HOMER1: variants seen among roughly 807,000 people sequenced by gnomAD.
HOMER1 encodes the protein homer protein homolog 1.
In HOMER1, 3 loss-of-function variants were observed where a neutral mutation model predicts 48.9. The ratio of observed to expected loss-of-function variants is 0.06; its 90% CI spans 0.03 to 0.16. The LOEUF (loss-of-function observed/expected upper bound fraction) is 0.16, where lower values mean the gene tolerates loss of function less well. HOMER1 is among the 10% of genes least tolerant of loss of function. HOMER1 has a pLI of 1.00. For synonymous variants in HOMER1, 134 were observed against 146.4 expected (o/e 0.92, Z 0.61); for missense variants, 247 against 411.4 (o/e 0.60, Z 3.46).
At chr5:79,492,111 A>C (rs765329779) in intron 1 of HOMER1, among the ~76,000 whole-genome samples, 1 of 152,212 alleles carries the variant, frequency 6.6e-6, no homozygotes, top group Non-Finnish European at 1.5e-5. Context: ...AACAATATAG[A>C]GCTTGATAAT....
chr5:79,402,826 T>C (rs1749567355), intron 5 of HOMER1, among the ~76,000 whole-genome samples: 1 of 152,242 alleles, frequency 6.6e-6, no homozygotes, highest in African/African-American at 2.4e-5. Context: ...TAGTATTTCT[T>C]TTGAAATTGT....
chr5:79,423,501 TTAATTA>T (rs1750160298), intron 5 of HOMER1, among the ~76,000 whole-genome samples: 1 of 152,294 alleles, frequency 6.6e-6, no homozygotes, highest in East Asian at 1.9e-4. Context: ...TTCAGTAATT[TTAATTA>T]TGTGTGTGCA....
At chr5:79,475,583 A>G (rs1751747276) in intron 1 of HOMER1, among the ~76,000 whole-genome samples, 1 of 152,148 alleles carries the variant, frequency 6.6e-6, no homozygotes, top group Non-Finnish European at 1.5e-5. Flanking sequence ...AATCTAGCCA[A>G]TGTCTAAAGC....
At chr5:79,510,796 G>A (rs1479474510) in intron 1 of HOMER1, 1 of 753,606 alleles carries the variant, frequency 1.3e-6, no homozygotes, top group Non-Finnish European at 2.4e-6. Flanking sequence ...CTGGCCAAAG[G>A]CCAAGGACAA....
chr5:79,455,149 C>G (rs1751135782), intron 2 of HOMER1, among the ~76,000 whole-genome samples: 1 of 151,528 alleles, frequency 6.6e-6, no homozygotes, highest in African/African-American at 2.4e-5. Context: ...GTTACCCAGG[C>G]TGGTCTCAAA....
intron 1 of HOMER1, among the ~76,000 whole-genome samples, chr5:79,461,492 G>A (rs1013190786): frequency 1.3e-5 from 2 of 152,100 alleles, no homozygotes; most frequent in Non-Finnish European, 2.9e-5. Flanking sequence ...AACAAGTTTC[G>A]CAAACACTGT....
At chr5:79,492,473 T>A (rs1402265575) in intron 1 of HOMER1, among the ~76,000 whole-genome samples, 1 of 151,706 alleles carries the variant, frequency 6.6e-6, no homozygotes, top group Admixed American at 6.6e-5. Context: ...AATTAACTTC[T>A]GTGACTTTCC....
At chr5:79,396,234 T>C (rs536535935) in intron 8 of HOMER1, among the ~76,000 whole-genome samples, 357 of 152,212 alleles carry the variant, frequency 2.3e-3, no homozygotes, top group African/African-American at 8.3e-3. Context: ...GAACGAAAAG[T>C]ACTAACTTGT....
intron 1 of HOMER1, among the ~76,000 whole-genome samples, chr5:79,488,408 C>A (rs1026060204): frequency 6.6e-6 from 1 of 152,196 alleles, no homozygotes; most frequent in Non-Finnish European, 1.5e-5. Context: ...TCCACTGTGG[C>A]ATTTGTTTTC....
chr5:79,429,281 A>G (rs1289888410), intron 5 of HOMER1, among the ~76,000 whole-genome samples: 1 of 152,148 alleles, frequency 6.6e-6, no homozygotes, highest in Non-Finnish European at 1.5e-5. Flanking sequence ...ACTTTGAGGC[A>G]TGAAAATCGC....
intron 1 of HOMER1, among the ~76,000 whole-genome samples, chr5:79,479,643 G>A (rs138668518): frequency 1.1e-4 from 17 of 152,156 alleles, no homozygotes; most frequent in African/African-American, 1.9e-4. Context: ...AACTGCTTTC[G>A]TACTTCTGAC....
At chr5:79,510,593 C>T (rs960012623) in intron 1 of HOMER1, 2 of 824,424 alleles carry the variant, frequency 2.4e-6, no homozygotes, top group Admixed American at 3.4e-5. Context: ...CAAGAAGGGC[C>T]TAAAGAAGAT....
intron 1 of HOMER1, among the ~76,000 whole-genome samples, chr5:79,486,864 A>G (rs1752118459): frequency 6.6e-6 from 1 of 152,250 alleles, no homozygotes; most frequent in Non-Finnish European, 1.5e-5. Context: ...TATGTAATCC[A>G]TTTTATATTT....
At chr5:79,419,747 G>A (rs182241887) in intron 5 of HOMER1, among the ~76,000 whole-genome samples, 1 of 152,168 alleles carries the variant, frequency 6.6e-6, no homozygotes, top group Admixed American at 6.5e-5. Context: ...TTTTGTAAAA[G>A]TGAATAAATT....
intron 1 of HOMER1, among the ~76,000 whole-genome samples, chr5:79,463,026 CA>C (rs1299772849): frequency 3.3e-5 from 5 of 152,000 alleles, no homozygotes; most frequent in African/African-American, 1.2e-4. Flanking sequence ...TTTAATTTTC[CA>C]AAAGAAAGTA....
At chr5:79,422,941 T>C (rs1031370346) in intron 5 of HOMER1, among the ~76,000 whole-genome samples, 1 of 151,882 alleles carries the variant, frequency 6.6e-6, no homozygotes, top group African/African-American at 2.4e-5. Flanking sequence ...TCATTTGTTA[T>C]CACTAACTTC....
At chr5:79,480,641 T>C (rs1253410303) in intron 1 of HOMER1, among the ~76,000 whole-genome samples, 1 of 152,254 alleles carries the variant, frequency 6.6e-6, no homozygotes, top group African/African-American at 2.4e-5. Context: ...TATACCTTTA[T>C]GTAAATATTA....
chr5:79,438,528 ACT>A (rs1269051467), intron 5 of HOMER1, among the ~76,000 whole-genome samples: 1 of 152,182 alleles, frequency 6.6e-6, no homozygotes, highest in Non-Finnish European at 1.5e-5. Flanking sequence ...AAGTTATCCC[ACT>A]GTTTCCTTCT....
chr5:79,495,610 A>T (rs1752398675), intron 1 of HOMER1, among the ~76,000 whole-genome samples: 2 of 152,224 alleles, frequency 1.3e-5, no homozygotes, highest in African/African-American at 4.8e-5. Context: ...ACAAATGCTC[A>T]TGAGGCACAG....
Sources: allele counts gnomAD v4.1 joint callset (sites outside exome capture counted in the v4.1 genomes callset), GRCh38; gene constraint gnomAD v4.1.1; transcripts MANE v1.5; gene names NCBI Gene and HGNC (gene_info 2026-07-23, HGNC 2026-07-21).